Variants in HAAO observed in about 807,000 individuals in gnomAD.
HAAO encodes 3-hydroxyanthranilate oxygenase.
In HAAO, 49 loss-of-function variants were observed where a neutral mutation model predicts 46.2. The observed-to-expected ratio is 1.06, with a 90% CI of 0.84 to 1.34. HAAO has a LOEUF of 1.34. Among genes scored for constraint, HAAO ranks in the 40% most tolerant of loss-of-function variants. The pLI, the probability that HAAO is intolerant of heterozygous loss-of-function variation, is 0.00. For synonymous variants in HAAO, 157 were observed against 145.2 expected (o/e 1.08, Z -0.58); for missense variants, 408 against 364.5 (o/e 1.12, Z -0.97).
chr2:42,773,235 C>T (rs1472917160), intron 4 of HAAO, among the ~76,000 whole-genome samples: 1 of 152,220 alleles, frequency 6.6e-6, no homozygotes, highest in Non-Finnish European at 1.5e-5. Flanking sequence ...ATAACAGCAC[C>T]TCCCCCATAG....
At chr2:42,770,820 T>C (rs932109026) in intron 4 of HAAO, among the ~76,000 whole-genome samples, 1 of 152,050 alleles carries the variant, frequency 6.6e-6, no homozygotes, top group Non-Finnish European at 1.5e-5. Context: ...TTCCCAAAAC[T>C]AGACCCAAAC....
intron 4 of HAAO, among the ~76,000 whole-genome samples, chr2:42,771,470 C>T (rs1475805955): frequency 1.3e-5 from 2 of 150,454 alleles, no homozygotes; most frequent in African/African-American, 2.4e-5. Flanking sequence ...AAGAAGCCAA[C>T]ACGCAGAAGA....
chr2:42,773,586 T>TA (rs1671314513), intron 4 of HAAO, among the ~76,000 whole-genome samples: 1 of 148,518 alleles, frequency 6.7e-6, no homozygotes, highest in African/African-American at 2.5e-5. Context: ...ACCCCCTATT[T>TA]TTTTTTTTTT....
intron 3 of HAAO, 26 bp downstream of exon 3, chr2:42,783,758 C>T (rs1453547954): frequency 2.5e-6 from 4 of 1,595,772 alleles, no homozygotes; most frequent in African/African-American, 1.3e-5. Flanking sequence ...CTTTCTCTTC[C>T]CCACCCTGCT....
intron 4 of HAAO, among the ~76,000 whole-genome samples, chr2:42,779,689 C>CT (rs1166018521): frequency 3.3e-5 from 5 of 152,092 alleles, no homozygotes; most frequent in Non-Finnish European, 7.4e-5. Flanking sequence ...AGGTTTTCAC[C>CT]TTTTTTGAAA....
chr2:42,781,888 T>A (rs981839914), intron 4 of HAAO, among the ~76,000 whole-genome samples: 2 of 147,848 alleles, frequency 1.4e-5, no homozygotes, highest in Admixed American at 6.8e-5. Context: ...AAAAAAAAAA[T>A]TATTCTTGCT....
chr2:42,791,255 G>A (rs569763140), intron 1 of HAAO, among the ~76,000 whole-genome samples: 48 of 152,248 alleles, frequency 3.2e-4, no homozygotes, highest in East Asian at 5.8e-4. Flanking sequence ...GGAGGTGGGC[G>A]TGGTACAGCA....
chr2:42,770,129 C>T lies in HAAO; in HGVS notation c.484+14G>A. 1 of 1,602,704 alleles carries T rather than the reference C, an allele frequency of 6.2e-7. No homozygotes were observed. The highest frequency in any genetic ancestry group is 8.5e-7 in the Non-Finnish European group (1 of 1,173,326). Reference sequence around the variant, plus strand: ...GAGGGAGGGAAGGAGAAGGGCAGTTCCCAGCGGCCTCACCAGGGATGGGCT... The same window carrying T: ...GAGGGAGGGAAGGAGAAGGGCAGTTTCCAGCGGCCTCACCAGGGATGGGCT... On this transcript the variant is annotated intron_variant, in intron 6 of 9. Transcript: ENST00000294973.
Position 42,769,850 on chromosome 2 carries a change from G to A in HAAO, c.493C>T (p.Leu165Phe). The A allele has an allele frequency of 6.2e-7, 1 of 1,610,514 alleles. No homozygotes were observed. The highest frequency in any genetic ancestry group is 1.1e-5 in the South Asian group (1 of 90,398). ...CTCAGAGGGAATGGTGGCTCCTTGA[G>A]CAGCTGGTCTGCACCCACAGCATGA... ...RTGKPIPDQL[L>F]KEPPFPLSTR... is the part of the protein sequence containing the mutation. The change falls in exon 7 of 10, where the codon CTC becomes TTC. Residue 165 changes from leucine (L) to phenylalanine (F), a missense_variant. Coordinates refer to ENST00000294973, the MANE Select transcript of HAAO (RefSeq NM_012205.3).
At chr2:42,782,779 GC>G (rs1672101661) in intron 4 of HAAO, 5 of 347,194 alleles carry the variant, frequency 1.4e-5, no homozygotes, top group South Asian at 6.9e-5. Flanking sequence ...TGACCTGGAA[GC>G]CCCCTTCCCA....
intron 7 of HAAO, among the ~76,000 whole-genome samples, chr2:42,769,453 A>G (rs1670911529): frequency 6.6e-6 from 1 of 152,196 alleles, no homozygotes. Context: ...GTGAATTCAG[A>G]TCATAAAATT....
chr2:42,777,344 A>C (rs1272032119), intron 4 of HAAO, among the ~76,000 whole-genome samples: 1 of 151,756 alleles, frequency 6.6e-6, no homozygotes, highest in Non-Finnish European at 1.5e-5. Context: ...AAGAAGAAAA[A>C]GAATGTGAAA....
In HAAO at chr2:42,769,735, A is replaced by C. The variant is rs1376442674; in HGVS notation, c.608T>G (p.Phe203Cys). Reference sequence around the variant, plus strand: ...TACCTGGGTCTCATAGGTGTCCCCAAACAGGCTGAGTGGTGTGCCTGCCTG... The same window carrying C: ...TACCTGGGTCTCATAGGTGTCCCCACACAGGCTGAGTGGTGTGCCTGCCTG... Reference protein sequence around the residue: ...ELQAGTPLSLFGDTYETQVIA... With the variant: ...ELQAGTPLSLCGDTYETQVIA... Residue 203 changes from phenylalanine to cysteine, a missense_variant, in exon 7 of 10, where the codon TTT becomes TGT. Phe to Cys is a radical substitution (Grantham distance 205). Transcript: ENST00000294973. The C allele has an allele frequency of 1.2e-6, 2 of 1,613,086 alleles. No individual in the cohort carries two copies. The highest frequency in any genetic ancestry group is 1.7e-5 in the Admixed American group (1 of 59,840).
At chr2:42,767,749 C>T in intron 8 of HAAO, 72 bp from the exon 9 acceptor site, 1 of 1,546,690 alleles carries the variant, frequency 6.5e-7, no homozygotes, top group Non-Finnish European at 8.9e-7. Context: ...TCTGAGTCTG[C>T]CTGGGCCCCA....
At chr2:42,776,930 C>T (rs1436984825) in intron 4 of HAAO, among the ~76,000 whole-genome samples, 3 of 151,726 alleles carry the variant, frequency 2.0e-5, no homozygotes, top group East Asian at 3.9e-4. Context: ...CCGTGTCCGG[C>T]GAGTTGTTTC....
At chr2:42,784,668 G>A (rs1672265273) in intron 2 of HAAO, among the ~76,000 whole-genome samples, 1 of 152,138 alleles carries the variant, frequency 6.6e-6, no homozygotes, top group African/African-American at 2.4e-5. Context: ...ACATTGCCTG[G>A]GTGTTAAAAG....
chr2:42,785,615 C>A (rs1056634540), intron 2 of HAAO, among the ~76,000 whole-genome samples: 1 of 152,046 alleles, frequency 6.6e-6, no homozygotes, highest in Non-Finnish European at 1.5e-5. Context: ...TGCCTGTAAT[C>A]CTAGCACTTT....
At chr2:42,786,013 G>C (rs1470452774) in intron 2 of HAAO, among the ~76,000 whole-genome samples, 21 of 16,646 alleles carry the variant, frequency 1.3e-3, no homozygotes, top group Non-Finnish European at 2.3e-3. Flanking sequence ...AAGCCTCTGT[G>C]TGTGTGTGTG....
intron 8 of HAAO, 78 bp downstream of exon 8, chr2:42,767,782 G>T: frequency 1.3e-6 from 2 of 1,551,430 alleles, no homozygotes; most frequent in Non-Finnish European, 8.9e-7. Context: ...TGGGCCCCGT[G>T]TGGGAGCCCA....
Sources: allele counts gnomAD v4.1 joint callset (sites outside exome capture counted in the v4.1 genomes callset), GRCh38; gene constraint gnomAD v4.1.1; transcripts MANE v1.5; gene names NCBI Gene and HGNC (gene_info 2026-07-23, HGNC 2026-07-21).